Variants in SAMD5 observed in about 807,000 individuals in gnomAD.
SAMD5 encodes sterile alpha motif domain-containing protein 5.
A neutral mutation model predicts 11.3 loss-of-function variants in SAMD5; 13 were observed. The observed-to-expected ratio is 1.15, with a 90% confidence interval of 0.75 to 1.83. The LOEUF (loss-of-function observed/expected upper bound fraction) is 1.83, where lower values mean the gene tolerates loss of function less well. SAMD5 is among the 40% of genes most tolerant of loss of function. The pLI, the probability that SAMD5 is intolerant of heterozygous loss-of-function variation, is 0.00. For synonymous variants in SAMD5, 129 were observed against 111.3 expected (o/e 1.16, Z -1.00); for missense variants, 255 against 239.1 (o/e 1.07, Z -0.44).
At chr6:147,857,349 A>AG in the SAMD5 span, among the ~76,000 whole-genome samples, 2 of 151,550 alleles carry the variant, frequency 1.3e-5, no homozygotes, top group African/African-American at 4.9e-5. Flanking sequence ...ACCAAAAAAA[A>AG]AAAAAAAATT....
chr6:147,812,072 T>C, the SAMD5 span, among the ~76,000 whole-genome samples: 1 of 150,802 alleles, frequency 6.6e-6, no homozygotes, highest in African/African-American at 2.4e-5. Context: ...CCAAGGAGAG[T>C]CTCAGAAGCC....
At chr6:147,843,946 A>G in the SAMD5 span, among the ~76,000 whole-genome samples, 2,121 of 152,248 alleles carry the variant, frequency 0.014, 48 homozygotes, top group African/African-American at 0.049. Flanking sequence ...TGATTTCTTG[A>G]ATATGACCCC....
intron 1 of SAMD5, among the ~76,000 whole-genome samples, chr6:147,656,588 C>T (rs1377828848): frequency 6.6e-6 from 1 of 152,030 alleles, no homozygotes; most frequent in African/African-American, 2.4e-5. Context: ...AGCAAGAATG[C>T]ACAGAAAGAC....
At chr6:147,541,990 C>T (rs1788613376) in intron 1 of SAMD5, among the ~76,000 whole-genome samples, 1 of 152,044 alleles carries the variant, frequency 6.6e-6, no homozygotes, top group Admixed American at 6.5e-5. Flanking sequence ...GCTACAGAAC[C>T]AGTTTGGAGA....
chr6:147,891,592 G>A, the SAMD5 span, among the ~76,000 whole-genome samples: 1 of 152,114 alleles, frequency 6.6e-6, no homozygotes, highest in Non-Finnish European at 1.5e-5. Context: ...ATAAGGGAAG[G>A]CAGAGGCTTT....
intron 1 of SAMD5, among the ~76,000 whole-genome samples, chr6:147,721,572 T>G (rs538802654): frequency 4.5e-4 from 69 of 152,346 alleles, no homozygotes; most frequent in African/African-American, 1.7e-3. Context: ...TAAATTTGTT[T>G]GAGTTCATTG....
chr6:147,669,415 C>T (rs10214866), intron 1 of SAMD5, among the ~76,000 whole-genome samples: 11,452 of 143,822 alleles, frequency 0.08, 624 homozygotes, highest in African/African-American at 0.14. Context: ...CTTCAAGCTC[C>T]ACTTCTTTTT....
rs144947100 is a variant in SAMD5, at chr6:147,657,010, A to G, written c.163-80307A>G. On this transcript the variant is annotated intron_variant, in intron 1 of 1. Coordinates refer to the SAMD5 transcript ENST00000566741. ...TTGGAAACTACTTGAATGTCCAAGC[A>G]TAGAGACCGGTTGTATAAAGCATAG... Among the ~76,000 whole-genome samples the G allele has an allele frequency of 6.7e-3, 1,020 of 152,158 alleles. 17 individuals are homozygous for G. The highest frequency in any genetic ancestry group is 0.04 in the South Asian group (192 of 4,818).
At chr6:147,916,121 A>G in the SAMD5 span, among the ~76,000 whole-genome samples, 7 of 152,098 alleles carry the variant, frequency 4.6e-5, no homozygotes, top group African/African-American at 1.7e-4. Context: ...CATGGTGTAT[A>G]GGTGCCACAT....
chr6:147,759,212 T>C, the SAMD5 span, among the ~76,000 whole-genome samples: 10 of 152,330 alleles, frequency 6.6e-5, no homozygotes, highest in East Asian at 3.9e-4. Flanking sequence ...TGCCCCATTA[T>C]GGAGTGTTAC....
At chr6:147,846,908 C>T in the SAMD5 span, among the ~76,000 whole-genome samples, 1 of 152,274 alleles carries the variant, frequency 6.6e-6, no homozygotes, top group African/African-American at 2.4e-5. Flanking sequence ...AGACTACCAA[C>T]ATGTCCCAAG....
chr6:147,856,827 G>A, the SAMD5 span, among the ~76,000 whole-genome samples: 58,224 of 147,280 alleles, frequency 0.4, 12,921 homozygotes, highest in South Asian at 0.48. Context: ...GGCGCGGGGG[G>A]GGGGGGAAGC....
At chr6:147,862,863 T>G in the SAMD5 span, among the ~76,000 whole-genome samples, 3 of 152,014 alleles carry the variant, frequency 2.0e-5, no homozygotes, top group East Asian at 5.8e-4. Flanking sequence ...GAAAGGAGGT[T>G]TTTTTTTGTG....
intron 1 of SAMD5, among the ~76,000 whole-genome samples, chr6:147,618,297 G>C (rs1445282472): frequency 6.6e-6 from 1 of 152,192 alleles, no homozygotes; most frequent in East Asian, 1.9e-4. Flanking sequence ...CAGAGAAATT[G>C]ACCAGCCTGT....
chr6:147,663,824 A>G (rs1790680351), intron 1 of SAMD5, among the ~76,000 whole-genome samples: 2 of 150,374 alleles, frequency 1.3e-5, no homozygotes, highest in African/African-American at 4.9e-5. Context: ...AGAGAGAAAG[A>G]AAAAGCCTTA....
the SAMD5 span, among the ~76,000 whole-genome samples, chr6:147,805,067 A>G: frequency 1.3e-5 from 2 of 152,256 alleles, no homozygotes; most frequent in South Asian, 4.1e-4. Context: ...AAGTTTAATC[A>G]TACCCATGGC....
the SAMD5 span, among the ~76,000 whole-genome samples, chr6:147,856,861 G>T: frequency 6.7e-6 from 1 of 149,008 alleles, no homozygotes; most frequent in East Asian, 1.9e-4. Flanking sequence ...TAAGCTTTCT[G>T]GAATTCTGTA....
intron 1 of SAMD5, among the ~76,000 whole-genome samples, chr6:147,533,462 CAA>C (rs57455955): frequency 1.9e-3 from 174 of 89,468 alleles, no homozygotes; most frequent in African/African-American, 5.1e-3. Context: ...AATTCCATCT[CAA>C]AAAAAAAAAA....
intron 1 of SAMD5, among the ~76,000 whole-genome samples, chr6:147,532,470 T>C (rs1562314110): frequency 6.6e-6 from 1 of 152,252 alleles, no homozygotes. Context: ...AAAAACATTA[T>C]TTCATTCATC....
Sources: allele counts gnomAD v4.1 joint callset (sites outside exome capture counted in the v4.1 genomes callset), GRCh38; gene constraint gnomAD v4.1.1; transcripts MANE v1.5; gene names NCBI Gene and HGNC (gene_info 2026-07-23, HGNC 2026-07-21).